Variants in LPA observed in about 807,000 individuals in gnomAD.
The protein encoded by LPA is apolipoprotein(a).
Under a neutral mutation model 197.9 loss-of-function variants are expected in LPA, and 199 were observed. That is an observed-to-expected ratio of 1.01 (90% CI 0.90 to 1.13). LPA has a LOEUF of 1.13. Ranked by LOEUF, LPA falls within the 50% of genes most tolerant of loss-of-function variation. The pLI is 0.00. For synonymous variants in LPA, 715 were observed against 639.5 expected (o/e 1.12, Z -1.78); for missense variants, 1,853 against 1,785.8 (o/e 1.04, Z -0.68).
At chr6:160,569,148 G>C (rs1366905440) in intron 28 of LPA, among the ~76,000 whole-genome samples, 1 of 152,022 alleles carries the variant, frequency 6.6e-6, no homozygotes, top group African/African-American at 2.4e-5. Context: ...AGTTCATATG[G>C]AACAAAAAAG....
intron 1 of LPA, among the ~76,000 whole-genome samples, chr6:160,661,486 G>T (rs780494363): frequency 6.6e-6 from 1 of 152,160 alleles, no homozygotes; most frequent in Admixed American, 6.5e-5. Context: ...TCTCAGAAAG[G>T]CCTGTCCTGA....
chr6:160,571,820 G>A (rs1778567310), intron 28 of LPA, among the ~76,000 whole-genome samples: 1 of 152,186 alleles, frequency 6.6e-6, no homozygotes, highest in African/African-American at 2.4e-5. Flanking sequence ...CTCCATGGGG[G>A]TGGGATCCAC....
intron 16 of LPA, among the ~76,000 whole-genome samples, chr6:160,607,777 A>G (rs1166076821): frequency 6.6e-6 from 1 of 152,112 alleles, no homozygotes; most frequent in South Asian, 2.1e-4. Context: ...GAGCTACAGG[A>G]TGTACTAAGA....
Position 160,531,676 on chromosome 6 carries a change from A to C in LPA, c.*53T>G, listed in dbSNP as rs1777808257. ...ATTATTTCCAGCATGCTAAATCCTT[A>C]CCCACGTTTCAGCTTCTAAGTAGGT... On this transcript the variant is annotated 3_prime_UTR_variant, in exon 39 of 39. Coordinates refer to ENST00000316300, the MANE Select transcript of LPA (RefSeq NM_005577.4). 1.2e-5 allele frequency: 20 copies of C among 1,602,244 alleles called. No homozygotes were observed. Among genetic ancestry groups the C allele is most frequent in the Non-Finnish European group, 1.7e-5 (20 of 1,169,420 alleles).
chr6:160,576,332 GTGTGTGTGTATATATA>G (rs766146964), intron 28 of LPA, among the ~76,000 whole-genome samples: 11,863 of 78,950 alleles, frequency 0.15, 741 homozygotes, highest in South Asian at 0.23. Flanking sequence ...GTGTGTGTGT[GTGTGTGTGTATATATA>G]TATATATATA....
In LPA at chr6:160,556,147, G is replaced by T. The variant is rs764894583; in HGVS notation, c.4851C>A (p.Tyr1617Ter). 6.2e-7 allele frequency: 1 copy of T among 1,613,832 alleles called. No homozygotes were observed. The highest frequency in any genetic ancestry group is 8.5e-7 in the Non-Finnish European group (1 of 1,179,970). ...CTCGATAACTCTGGCCATTACCATG[G>T]TAGCACTGCCGGACCACAGGGGTTT... is the stretch of plus-strand genomic sequence containing the variant. Reference protein sequence around the residue: ...TEQTPVVRQCYHGNGQSYRGT... With the variant: ...TEQTPVVRQC The change falls in exon 30 of 39, where the codon TAC (tyrosine) becomes TAA (stop). Residue 1617 changes from tyrosine to a stop codon, truncating the protein, a stop_gained. Transcript: ENST00000316300. LOFTEE classifies it high-confidence loss of function.
intron 1 of LPA, among the ~76,000 whole-genome samples, chr6:160,653,974 A>G (rs112061390): frequency 6.1e-5 from 1 of 16,346 alleles, no homozygotes; most frequent in African/African-American, 2.0e-4. Flanking sequence ...TATTATATAT[A>G]ATATATAATA....
At chr6:160,635,618 C>A (rs1444730988) in intron 6 of LPA, among the ~76,000 whole-genome samples, 1 of 124,936 alleles carries the variant, frequency 8.0e-6, no homozygotes, top group Admixed American at 7.4e-5. Context: ...GCCTCCTACC[C>A]AATCCATCTC....
chr6:160,553,950 T>TGC (rs1413647083), intron 30 of LPA, among the ~76,000 whole-genome samples: 19 of 120,932 alleles, frequency 1.6e-4, no homozygotes, highest in African/African-American at 2.2e-4. Context: ...TGTGTGTGTG[T>TGC]GTGTGCGCGC....
intron 17 of LPA, among the ~76,000 whole-genome samples, 198 bp downstream of exon 17, chr6:160,606,279 C>A (rs961870291): frequency 2.0e-5 from 3 of 152,168 alleles, no homozygotes; most frequent in Non-Finnish European, 4.4e-5. Context: ...ATTCTAAAGA[C>A]ACAGCCCACC....
chr6:160,541,459 G>A (rs1777980706), intron 34 of LPA, among the ~76,000 whole-genome samples: 1 of 152,174 alleles, frequency 6.6e-6, no homozygotes, highest in Non-Finnish European at 1.5e-5. Context: ...CCAGAATGAA[G>A]CTCTATAGCT....
At chr6:160,662,444 A>T (rs924184930) in intron 1 of LPA, among the ~76,000 whole-genome samples, 5 of 152,216 alleles carry the variant, frequency 3.3e-5, no homozygotes, top group East Asian at 1.9e-4. Context: ...GCATTCCAGC[A>T]CACATTGGAA....
intron 1 of LPA, among the ~76,000 whole-genome samples, chr6:160,658,319 A>G (rs555045810): frequency 4.6e-5 from 7 of 152,250 alleles, no homozygotes; most frequent in Admixed American, 4.6e-4. Flanking sequence ...AAGGCTGTGC[A>G]TGCACCTCTT....
intron 1 of LPA, among the ~76,000 whole-genome samples, chr6:160,660,697 G>T (rs1177213792): frequency 3.9e-5 from 6 of 151,972 alleles, no homozygotes; most frequent in Non-Finnish European, 5.9e-5. Context: ...CAAAAATGTT[G>T]GTGCATGGAT....
chr6:160,601,245 C>A, intron 18 of LPA, 147 bp from the exon 19 acceptor site: 1 of 715,616 alleles, frequency 1.4e-6, no homozygotes, highest in South Asian at 1.6e-5. Flanking sequence ...AAATGGCTCT[C>A]AATCTCTAAT....
intron 30 of LPA, among the ~76,000 whole-genome samples, chr6:160,553,935 C>CTGTGTGTGTGTGTG (rs1294838247): frequency 1.0e-3 from 73 of 70,948 alleles, no homozygotes; most frequent in Middle Eastern, 6.0e-3. Context: ...CTCTCTCTCT[C>CTGTGTGTGTGTGTG]TCTGTGTGTG....
At chr6:160,661,403 C>T (rs1201784052) in intron 1 of LPA, among the ~76,000 whole-genome samples, 1 of 152,150 alleles carries the variant, frequency 6.6e-6, no homozygotes, top group Non-Finnish European at 1.5e-5. Flanking sequence ...TGAAAGATGA[C>T]ACACTGCAGA....
At chr6:160,634,399 C>G (rs1171756188) in intron 7 of LPA, among the ~76,000 whole-genome samples, 1 of 112,046 alleles carries the variant, frequency 8.9e-6, no homozygotes, top group Non-Finnish European at 1.8e-5. Flanking sequence ...ATATATCTGA[C>G]TGAAGGCAAA....
At chr6:160,570,362 A>G (rs532498789) in intron 28 of LPA, among the ~76,000 whole-genome samples, 1 of 152,312 alleles carries the variant, frequency 6.6e-6, no homozygotes, top group Non-Finnish European at 1.5e-5. Context: ...GGAAACCATC[A>G]TTCTCAGCAA....
Sources: allele counts gnomAD v4.1 joint callset (sites outside exome capture counted in the v4.1 genomes callset), GRCh38; gene constraint gnomAD v4.1.1; transcripts MANE v1.5; gene names NCBI Gene and HGNC (gene_info 2026-07-23, HGNC 2026-07-21).